FMN2: variants seen among roughly 807,000 people sequenced by gnomAD.
The protein encoded by FMN2 is formin 2.
In FMN2, 51 loss-of-function variants were observed where a neutral mutation model predicts 142.3. That is an observed-to-expected ratio of 0.36 (90% confidence interval 0.29 to 0.45). FMN2 has a LOEUF of 0.45. Ranked by LOEUF, FMN2 falls within the 20% of genes least tolerant of loss-of-function variation. The probability of loss-of-function intolerance (pLI) is 1.00; values close to 1 mark genes in which losing one functional copy is unlikely to be tolerated. For missense variants in FMN2, 1,936 were observed against 2,122.8 expected (o/e 0.91, Z 1.73); for synonymous variants, 882 against 869.8 (o/e 1.01, Z -0.25).
chr1:240,346,527 T>C (rs1475351596), intron 13 of FMN2, among the ~76,000 whole-genome samples: 1 of 152,156 alleles, frequency 6.6e-6, no homozygotes, highest in Non-Finnish European at 1.5e-5. Flanking sequence ...AAGTTAAAGG[T>C]TGTAGTTACC....
intron 1 of FMN2, among the ~76,000 whole-genome samples, chr1:240,096,230 A>G (rs909224611): frequency 1.3e-5 from 2 of 152,214 alleles, no homozygotes; most frequent in African/African-American, 2.4e-5. Flanking sequence ...AAGGCCATAT[A>G]GAGAGTAAAA....
chr1:240,441,880 T>C (rs886941448), intron 16 of FMN2, among the ~76,000 whole-genome samples: 2 of 152,234 alleles, frequency 1.3e-5, no homozygotes, highest in African/African-American at 4.8e-5. Flanking sequence ...TTTTCTTGCA[T>C]AACTTGAGTT....
intron 8 of FMN2, among the ~76,000 whole-genome samples, chr1:240,307,903 A>G (rs1038508404): frequency 9.2e-5 from 14 of 152,082 alleles, no homozygotes; most frequent in African/African-American, 3.4e-4. Context: ...GTCGTCTATG[A>G]TTTCTTTCAG....
intron 16 of FMN2, among the ~76,000 whole-genome samples, chr1:240,457,179 T>C (rs916027272): frequency 6.6e-6 from 1 of 152,186 alleles, no homozygotes; most frequent in African/African-American, 2.4e-5. Flanking sequence ...AAAAATCTTC[T>C]AAGCTGGACA....
chr1:240,419,871 C>A (rs1674707249), intron 15 of FMN2, among the ~76,000 whole-genome samples: 1 of 152,110 alleles, frequency 6.6e-6, no homozygotes, highest in African/African-American at 2.4e-5. Flanking sequence ...CTCCTGTTTT[C>A]CCACTCTTGC....
At chr1:240,419,353 T>C (rs955507880) in intron 15 of FMN2, among the ~76,000 whole-genome samples, 2 of 152,308 alleles carry the variant, frequency 1.3e-5, no homozygotes, top group Non-Finnish European at 2.9e-5. Context: ...CAGCTCTTTT[T>C]GGTTCGCATT....
chr1:240,329,383 T>G lies in FMN2; in HGVS notation c.4352T>G (p.Val1451Gly), dbSNP rs1350276750. Residue 1451 changes from valine to glycine, a missense_variant, in exon 10 of 18, where the codon GTC becomes GGC. Physicochemically the swap from Val to Gly is moderately radical, Grantham distance 109. This residue lies in a region of FMN2 where 322 missense variants were observed against 401.6 expected (regional missense o/e 0.80). Coordinates refer to ENST00000319653, the MANE Select transcript of FMN2 (RefSeq NM_020066.5). ...LSLIPNFSERVFCILFQSTFS... is the reference protein window; with the variant it reads ...LSLIPNFSERGFCILFQSTFS... ...CTAATCCCCAACTTTTCAGAGCGAG[T>G]CTTTTGCATCCTGTTCCAGTCCACA... The G allele has an allele frequency of 6.2e-7, 1 of 1,613,808 alleles. No homozygotes were observed. Among genetic ancestry groups the G allele is most frequent in the African/African-American group, 1.3e-5 (1 of 74,916 alleles).
At chr1:240,161,311 T>C (rs10926151) in intron 2 of FMN2, among the ~76,000 whole-genome samples, 46,676 of 151,534 alleles carry the variant, frequency 0.31, 7,672 homozygotes, top group African/African-American at 0.44. Context: ...GCAGGCGGAA[T>C]ACGAGGTCAG....
chr1:240,206,801 A>G lies in FMN2; in HGVS notation c.1989A>G (p.Glu663=), dbSNP rs1666368615. 3 of 1,603,128 alleles carry G rather than the reference A, an allele frequency of 1.9e-6. No individual in the cohort carries two copies. The highest frequency in any genetic ancestry group is 2.6e-6 in the Non-Finnish European group (3 of 1,171,282). Residue 663 remains glutamate, a splice_region_variant and synonymous_variant, in exon 5 of 18, where the codon GAA becomes GAG. Coordinates refer to ENST00000319653, the MANE Select transcript of FMN2 (RefSeq NM_020066.5). ...TGTCTGTCCTTGTCGCCCTTCAGGA[A>G]GTTGTTGACATGAAGTCTGAGGGAC... ...PQKRSDAVQK[E]VVDMKSEGQA...
chr1:240,195,309 G>A (rs553782541), intron 4 of FMN2, among the ~76,000 whole-genome samples: 92 of 152,344 alleles, frequency 6.0e-4, no homozygotes, highest in African/African-American at 2.2e-3. Flanking sequence ...GTAAATAAGA[G>A]TGTTTTTGTG....
intron 13 of FMN2, among the ~76,000 whole-genome samples, chr1:240,346,366 A>G (rs1439081868): frequency 6.6e-6 from 1 of 152,018 alleles, no homozygotes; most frequent in Non-Finnish European, 1.5e-5. Flanking sequence ...AAGTTATACA[A>G]ATGTGGTATC....
intron 16 of FMN2, 63 bp from the exon 17 acceptor site, chr1:240,472,309 A>G (rs1337295107): frequency 6.7e-6 from 8 of 1,190,964 alleles, no homozygotes; most frequent in Middle Eastern, 1.9e-4. Flanking sequence ...CTCACTTACT[A>G]TAAGGTAGAA....
chr1:240,435,202 T>G lies in FMN2; in HGVS notation c.4911-2859T>G, dbSNP rs945397707. ...CTACTTCAGTTTATAACTTGCAAGGTACTTTTATTTAATCTTCATGACAAC... is the reference window on the plus strand; with the variant it reads ...CTACTTCAGTTTATAACTTGCAAGGGACTTTTATTTAATCTTCATGACAAC... On this transcript the variant is annotated intron_variant, in intron 15 of 17. Coordinates refer to ENST00000319653, the MANE Select transcript of FMN2 (RefSeq NM_020066.5). Among the ~76,000 whole-genome samples the G allele has an allele frequency of 2.6e-5, 4 of 151,860 alleles. No homozygotes were observed. In the East Asian group the frequency reaches 7.7e-4, roughly 29 times the overall value.
intron 1 of FMN2, among the ~76,000 whole-genome samples, chr1:240,120,663 C>G (rs1022412442): frequency 6.6e-6 from 1 of 152,076 alleles, no homozygotes; most frequent in Non-Finnish European, 1.5e-5. Context: ...ATTAATTACA[C>G]AAAGAAACTA....
intron 8 of FMN2, among the ~76,000 whole-genome samples, chr1:240,300,838 CG>C (rs370419022): frequency 3.4e-5 from 5 of 149,114 alleles, no homozygotes; most frequent in East Asian, 4.0e-4. Flanking sequence ...TTTGTCTTGA[CG>C]TTTTTTTAAA....
intron 6 of FMN2, among the ~76,000 whole-genome samples, chr1:240,232,382 A>G (rs1359177049): frequency 1.3e-5 from 2 of 151,350 alleles, no homozygotes; most frequent in Admixed American, 1.3e-4. Context: ...GAGCCACTGC[A>G]CTCAGCCTCT....
At chr1:240,226,217 C>T (rs1309190623) in intron 6 of FMN2, among the ~76,000 whole-genome samples, 1 of 148,800 alleles carries the variant, frequency 6.7e-6, no homozygotes, top group Non-Finnish European at 1.5e-5. Flanking sequence ...CATAGATAAA[C>T]ATAAAGAGAT....
chr1:240,296,235 A>C (rs955551675), intron 8 of FMN2, among the ~76,000 whole-genome samples: 1 of 141,828 alleles, frequency 7.1e-6, no homozygotes, highest in Non-Finnish European at 1.5e-5. Context: ...AGAGAAAGGG[A>C]GTAAGGTATT....
At chr1:240,423,130 T>A (rs1001078029) in intron 15 of FMN2, among the ~76,000 whole-genome samples, 1 of 152,210 alleles carries the variant, frequency 6.6e-6, no homozygotes, top group Admixed American at 6.5e-5. Flanking sequence ...CATAAAAATA[T>A]CTTTGTGCTT....
Sources: gnomAD v4.1 joint callset for allele counts (sites outside exome capture counted in the v4.1 genomes callset) on GRCh38, gnomAD v4.1.1 for gene constraint, gnomAD v4.1.1 regional missense constraint, MANE v1.5 for transcripts, NCBI Gene and HGNC (gene_info 2026-07-23, HGNC 2026-07-21) for gene names.